Variants in SAMD12 observed in about 807,000 individuals in gnomAD.
SAMD12 encodes the protein sterile alpha motif domain containing 12.
In SAMD12, 9 loss-of-function variants were observed where a neutral mutation model predicts 15.0. The ratio of observed to expected loss-of-function variants is 0.60; its 90% CI spans 0.36 to 1.05. SAMD12 has a LOEUF of 1.05. Ranked by LOEUF, SAMD12 falls within the 50% of genes least tolerant of loss-of-function variation. The pLI, the probability that SAMD12 is intolerant of heterozygous loss-of-function variation, is 0.01. For missense variants in SAMD12, 230 were observed against 234.2 expected, an observed-to-expected ratio of 0.98 and a Z score of 0.12; for synonymous variants, 86 against 90.1, an observed-to-expected ratio of 0.96 and a Z score of 0.25.
At position 118,257,581 on chromosome 8, in the gene SAMD12, A is replaced by G. The variant is rs552483646; in HGVS notation, c.434-59849T>C. On this transcript the variant is annotated intron_variant, in intron 4 of 4. Transcript: ENST00000409003. The stretch of plus-strand genomic sequence containing the variant: ...GGAATCTGCAAGTACAAGTTACAGC[A>G]TCCCTGGGTCATTCAATTCAGGGGA... 7.2e-4 allele frequency among the ~76,000 whole-genome samples: 109 copies of G among 152,230 alleles called. 1 individual carries two copies. The highest frequency in any genetic ancestry group is 3.1e-3 in the South Asian group (15 of 4,822).
intron 1 of SAMD12, among the ~76,000 whole-genome samples, chr8:118,599,532 G>A (rs780551895): frequency 2.0e-5 from 3 of 152,172 alleles, no homozygotes; most frequent in Admixed American, 6.5e-5. Context: ...GCTCCCGCTC[G>A]TGGGGTGCTC....
At chr8:118,159,246 C>T in the SAMD12 span, among the ~76,000 whole-genome samples, 45,510 of 151,982 alleles carry the variant, frequency 0.3, 6,781 homozygotes, top group Admixed American at 0.33. Flanking sequence ...GGTGCCACCA[C>T]ATTCCCCAGT....
In SAMD12 at chr8:118,195,083, C is replaced by T. The variant is rs1459190104; in HGVS notation, c.*2627G>A. On this transcript the variant is annotated 3_prime_UTR_variant, in exon 5 of 5. Transcript: ENST00000409003. ...TCCTAGGTCCCTCTTCACCCATCAT[C>T]TTTCAATAATTTCACAGCGTTCCTT... is the stretch of plus-strand genomic sequence containing the variant. 4 of 152,180 alleles carry T rather than the reference C, an allele frequency of 2.6e-5. No homozygotes were observed. In the East Asian group the frequency reaches 5.8e-4, roughly 22 times the overall value. The allele number at this position is 152,180 out of a possible 1,614,324, so 9.4% of individuals were successfully genotyped here. A position where few individuals can be genotyped will look rare whatever the true frequency, so the allele number is the denominator to read the frequency against.
At chr8:118,460,462 G>A (rs111709017) in intron 2 of SAMD12, among the ~76,000 whole-genome samples, 4 of 152,278 alleles carry the variant, frequency 2.6e-5, no homozygotes, top group African/African-American at 9.6e-5. Context: ...AGAGGAGTGA[G>A]TATACAGTAG....
intron 4 of SAMD12, among the ~76,000 whole-genome samples, chr8:118,212,703 TTATAG>T (rs1811863516): frequency 6.6e-6 from 1 of 152,224 alleles, no homozygotes; most frequent in Non-Finnish European, 1.5e-5. Context: ...CAATGCCAAA[TTATAG>T]TATAATATTT....
exon 5 of SAMD12, chr8:118,191,807 TATATAGAG>T (rs1819405153): frequency 1.3e-4 from 2 of 15,944 alleles, no homozygotes; most frequent in African/African-American, 3.5e-4. Flanking sequence ...TATATATATA[TATATAGAG>T]AGAGAGAGAG....
chr8:118,220,879 CA>C (rs1296831318), intron 4 of SAMD12, among the ~76,000 whole-genome samples: 2 of 152,046 alleles, frequency 1.3e-5, no homozygotes, highest in Non-Finnish European at 2.9e-5. Context: ...TGCAAATAGG[CA>C]AAACCTGTCC....
intron 2 of SAMD12, among the ~76,000 whole-genome samples, chr8:118,450,836 C>T (rs1485326166): frequency 6.6e-6 from 1 of 152,088 alleles, no homozygotes; most frequent in Non-Finnish European, 1.5e-5. Context: ...AGATATATTT[C>T]CAAGAGGCTT....
chr8:118,616,276 G>A (rs1410828108), intron 1 of SAMD12, among the ~76,000 whole-genome samples: 2 of 152,130 alleles, frequency 1.3e-5, no homozygotes, highest in Non-Finnish European at 2.9e-5. Flanking sequence ...AATGTGTATG[G>A]GAGTTACTGT....
chr8:118,330,555 G>A (rs1303733751), intron 4 of SAMD12, among the ~76,000 whole-genome samples: 1 of 152,188 alleles, frequency 6.6e-6, no homozygotes, highest in East Asian at 1.9e-4. Flanking sequence ...TACTTTGGAA[G>A]AGACTGATCA....
chr8:118,318,349 T>TAC (rs1200709602), intron 4 of SAMD12, among the ~76,000 whole-genome samples: 5 of 85,136 alleles, frequency 5.9e-5, no homozygotes, highest in East Asian at 2.8e-4. Flanking sequence ...TATATATATA[T>TAC]ATATATACAT....
chr8:118,330,125 G>A (rs1457006869), intron 4 of SAMD12, among the ~76,000 whole-genome samples: 1 of 152,132 alleles, frequency 6.6e-6, no homozygotes, highest in Non-Finnish European at 1.5e-5. Context: ...CAACCATTCT[G>A]GAACTAGACA....
At chr8:118,373,218 T>C (rs1336713533), downstream of SAMD12, among the ~76,000 whole-genome samples, 1 of 152,148 alleles carries the variant, frequency 6.6e-6, no homozygotes, top group African/African-American at 2.4e-5. Context: ...TGAGGAGAAC[T>C]GCAATCTAGT....
chr8:118,283,995 G>A (rs1813795097), intron 4 of SAMD12, among the ~76,000 whole-genome samples: 3 of 152,278 alleles, frequency 2.0e-5, no homozygotes, highest in African/African-American at 7.2e-5. Flanking sequence ...ATTCTAGAAG[G>A]TGTGTGGACT....
At chr8:118,406,894 G>A (rs1821158707) in intron 3 of SAMD12, among the ~76,000 whole-genome samples, 1 of 149,264 alleles carries the variant, frequency 6.7e-6, no homozygotes, top group Non-Finnish European at 1.5e-5. Context: ...ATTCCATTGT[G>A]TGTGTGTGTG....
intron 2 of SAMD12, among the ~76,000 whole-genome samples, chr8:118,547,612 T>C (rs1322893833): frequency 6.6e-6 from 1 of 151,944 alleles, no homozygotes; most frequent in Non-Finnish European, 1.5e-5. Context: ...CACACTGCTG[T>C]CTGCTAAGAG....
intron 2 of SAMD12, among the ~76,000 whole-genome samples, chr8:118,541,037 A>G (rs976497617): frequency 2.0e-5 from 3 of 152,224 alleles, no homozygotes; most frequent in Admixed American, 6.5e-5. Context: ...ACCTAGAGCT[A>G]TAAGGACCTG....
intron 2 of SAMD12, among the ~76,000 whole-genome samples, chr8:118,573,593 T>C (rs1827076805): frequency 1.3e-5 from 2 of 152,064 alleles, no homozygotes; most frequent in African/African-American, 2.4e-5. Flanking sequence ...CAACCTAGAG[T>C]GAACTTTTGA....
intron 2 of SAMD12, among the ~76,000 whole-genome samples, chr8:118,483,790 T>A (rs1824197562): frequency 6.6e-6 from 1 of 152,198 alleles, no homozygotes; most frequent in African/African-American, 2.4e-5. Context: ...TGCTTTAATT[T>A]TTAGAATAAC....
Sources: allele counts gnomAD v4.1 joint callset (sites outside exome capture counted in the v4.1 genomes callset), GRCh38; gene constraint gnomAD v4.1.1; transcripts MANE v1.5; gene names NCBI Gene and HGNC (gene_info 2026-07-23, HGNC 2026-07-21).